Variants in FBN1 observed in about 807,000 individuals in gnomAD.
FBN1 encodes fibrillin 1.
Under a neutral mutation model 365.1 loss-of-function variants are expected in FBN1, and 29 were observed. That is an observed-to-expected ratio of 0.08 (90% CI 0.06 to 0.11). FBN1 has a LOEUF of 0.11. Ranked by LOEUF, FBN1 falls within the 10% of genes least tolerant of loss-of-function variation. The probability of loss-of-function intolerance (pLI) is 1.00; values close to 1 mark genes in which losing one functional copy is unlikely to be tolerated. For synonymous variants in FBN1, 1,210 were observed against 1,270.5 expected (o/e 0.95, Z 1.01); for missense variants, 2,476 against 3,703.2 (o/e 0.67, Z 8.60).
chr15:48,631,893 T>C (rs970488779), intron 2 of FBN1, among the ~76,000 whole-genome samples: 1 of 152,242 alleles, frequency 6.6e-6, no homozygotes, highest in African/African-American at 2.4e-5. Context: ...AGAATGGTTT[T>C]CAACCCAGTC....
At chr15:48,487,530 T>C (rs2043519783) in intron 27 of FBN1, 93 bp from the exon 28 acceptor site, 1 of 1,534,198 alleles carries the variant, frequency 6.5e-7, no homozygotes. Context: ...GGTGTCCATC[T>C]TGACCTCCTT....
In FBN1 at chr15:48,442,155, C is replaced by A. The variant is rs559390879; in HGVS notation, c.6038-309G>T. ...AAAAGTCAGAGTAATTTCATAGTAC[C>A]CTAGGCCAGGAAAGAAGCATGAAAT... On this transcript the variant is annotated intron_variant, in intron 49 of 65. Coordinates refer to ENST00000316623, the MANE Select transcript of FBN1 (RefSeq NM_000138.5). Among the ~76,000 whole-genome samples, 156 of 152,204 alleles carry A rather than the reference C, an allele frequency of 1.0e-3. 1 individual carries two copies. Among genetic ancestry groups the A allele is most frequent in the African/African-American group, 3.5e-3 (145 of 41,538 alleles).
chr15:48,593,496 G>A (rs906757167), intron 6 of FBN1, among the ~76,000 whole-genome samples: 14 of 152,124 alleles, frequency 9.2e-5, no homozygotes, highest in Admixed American at 5.9e-4. Context: ...TCTGAAAGAT[G>A]GGACCAAATT....
intron 2 of FBN1, among the ~76,000 whole-genome samples, chr15:48,617,927 A>C (rs1423942985): frequency 1.3e-5 from 2 of 152,216 alleles, no homozygotes; most frequent in Admixed American, 6.5e-5. Flanking sequence ...GAAAAGGTTA[A>C]GGTAATAAAA....
chr15:48,423,033 TAA>T (rs1327608718), intron 60 of FBN1, among the ~76,000 whole-genome samples: 1 of 152,200 alleles, frequency 6.6e-6, no homozygotes, highest in Non-Finnish European at 1.5e-5. Flanking sequence ...CACATCTCAA[TAA>T]AACCCTCTGC....
chr15:48,574,940 C>T (rs1423593926), intron 6 of FBN1, among the ~76,000 whole-genome samples: 1 of 152,196 alleles, frequency 6.6e-6, no homozygotes, highest in Non-Finnish European at 1.5e-5. Flanking sequence ...ATACTAAAAT[C>T]TACTAAAATT....
In FBN1 at chr15:48,591,590, C is replaced by T. The variant is rs376667627; in HGVS notation, c.538+4693G>A. On this transcript the variant is annotated intron_variant, in intron 6 of 65. Coordinates refer to ENST00000316623, the MANE Select transcript of FBN1 (RefSeq NM_000138.5). ...ATCAAATAGAGGAATATTCCAAAAC[C>T]CTACATTTGAAACATCCAAGAATAT... Among the ~76,000 whole-genome samples the T allele has an allele frequency of 5.2e-4, 79 of 152,336 alleles. No individual in the cohort carries two copies. In the East Asian group the frequency reaches 8.3e-3, roughly 16 times the overall value.
chr15:48,479,062 C>T (rs142686391), intron 32 of FBN1, among the ~76,000 whole-genome samples: 1 of 152,260 alleles, frequency 6.6e-6, no homozygotes, highest in African/African-American at 2.4e-5. Context: ...TTCCTTTTGT[C>T]TGCTTGCTTA....
chr15:48,598,700 T>C (rs547171132), intron 5 of FBN1, among the ~76,000 whole-genome samples: 1 of 152,218 alleles, frequency 6.6e-6, no homozygotes, highest in South Asian at 2.1e-4. Context: ...CCCTCAAGAC[T>C]CAGCCCAAGG....
intron 6 of FBN1, among the ~76,000 whole-genome samples, chr15:48,572,660 T>C (rs1433826932): frequency 6.6e-6 from 1 of 151,976 alleles, no homozygotes; most frequent in African/African-American, 2.4e-5. Context: ...CAGTTACAAA[T>C]GGCCACGAAA....
In FBN1 at chr15:48,452,582, G is replaced by A. The variant is rs1566900477; in HGVS notation, c.5525C>T (p.Thr1842Ile). The A allele has an allele frequency of 6.2e-7, 1 of 1,614,164 alleles. No individual in the cohort carries two copies. The highest frequency in any genetic ancestry group is 8.5e-7 in the Non-Finnish European group (1 of 1,180,012). The change falls in exon 45 of 66, where the codon ACC becomes ATC. Residue 1842 changes from threonine to isoleucine, a missense_variant. Physicochemically the swap from Thr to Ile is moderately conservative, Grantham distance 89. This residue lies in a region of FBN1 where 1,780 missense variants were observed against 2,840.8 expected (regional missense o/e 0.63). Coordinates refer to ENST00000316623, the MANE Select transcript of FBN1 (RefSeq NM_000138.5). Reference sequence around the variant, plus strand: ...CATACCATTGCACTGTCCTGTGGAGGTGAAGCGGTAGCCGGGCTTACAGTC... The same window carrying A: ...CATACCATTGCACTGTCCTGTGGAGATGAAGCGGTAGCCGGGCTTACAGTC... ...RCDCKPGYRF[T>I]STGQCNDRNE...
chr15:48,610,952 T>C, intron 3 of FBN1, 126 bp from the exon 4 acceptor site: 1 of 741,848 alleles, frequency 1.3e-6, no homozygotes. Context: ...ATGACTTATA[T>C]GACCTTAAGC....
intron 8 of FBN1, among the ~76,000 whole-genome samples, chr15:48,527,560 A>G (rs2043925051): frequency 6.6e-6 from 1 of 152,226 alleles, no homozygotes; most frequent in African/African-American, 2.4e-5. Flanking sequence ...ACAACCCCCA[A>G]TAAGAACATT....
At chr15:48,419,623 C>T (rs2042925130) in intron 63 of FBN1, among the ~76,000 whole-genome samples, 1 of 152,178 alleles carries the variant, frequency 6.6e-6, no homozygotes, top group Admixed American at 6.5e-5. Context: ...ACCCTACATG[C>T]CACTGCAAAA....
At chr15:48,519,842 G>A (rs2043835626) in intron 10 of FBN1, among the ~76,000 whole-genome samples, 1 of 152,184 alleles carries the variant, frequency 6.6e-6, no homozygotes. Flanking sequence ...AGTAGCAAAT[G>A]TTCTTTGCAA....
In FBN1 at chr15:48,468,796, C is replaced by T. The variant is rs148432944; in HGVS notation, c.4460-262G>A. On this transcript the variant is annotated intron_variant, in intron 36 of 65. Transcript: ENST00000316623. ...ATAAAATATAACTTTGGGCCGGGCACGGTGGCTCACGCCTGTAATCCCAGC... is the reference window on the plus strand; with the variant it reads ...ATAAAATATAACTTTGGGCCGGGCATGGTGGCTCACGCCTGTAATCCCAGC... Among the ~76,000 whole-genome samples, 3,321 of 151,040 alleles carry T rather than the reference C, an allele frequency of 0.022. 70 individuals are homozygous for T. The highest frequency in any genetic ancestry group is 0.083 in the East Asian group (432 of 5,178).
chr15:48,448,172 T>G (rs1241430446), intron 46 of FBN1, among the ~76,000 whole-genome samples: 5 of 151,736 alleles, frequency 3.3e-5, no homozygotes, highest in Non-Finnish European at 7.4e-5. Context: ...ATCTGATTTA[T>G]GTTCTTAATG....
chr15:48,521,884 A>G (rs1252882029), intron 9 of FBN1, among the ~76,000 whole-genome samples: 1 of 152,234 alleles, frequency 6.6e-6, no homozygotes, highest in East Asian at 1.9e-4. Context: ...AGGGGCCCCA[A>G]TCCCCAGTTC....
intron 60 of FBN1, among the ~76,000 whole-genome samples, chr15:48,424,450 G>T (rs1032710522): frequency 6.6e-6 from 1 of 152,020 alleles, no homozygotes; most frequent in African/African-American, 2.4e-5. Flanking sequence ...CACCCTTCTA[G>T]CCTCTTCTCA....
Sources: gnomAD v4.1 joint callset for allele counts (sites outside exome capture counted in the v4.1 genomes callset) on GRCh38, gnomAD v4.1.1 for gene constraint, gnomAD v4.1.1 regional missense constraint, MANE v1.5 for transcripts, NCBI Gene and HGNC (gene_info 2026-07-23, HGNC 2026-07-21) for gene names.